Variants in KIAA0825 observed in about 807,000 individuals in gnomAD.
KIAA0825 encodes the protein KIAA0825.
A neutral mutation model predicts 147.6 loss-of-function variants in KIAA0825; 119 were observed. The observed-to-expected ratio is 0.81, with a 90% CI of 0.69 to 0.94. The LOEUF (loss-of-function observed/expected upper bound fraction) is 0.94, where lower values mean the gene tolerates loss of function less well. Among genes scored for constraint, KIAA0825 ranks in the 40% least tolerant of loss-of-function variants. The pLI, the probability that KIAA0825 is intolerant of heterozygous loss-of-function variation, is 0.00. For synonymous variants in KIAA0825, 470 were observed against 518.1 expected (o/e 0.91, Z 1.26); for missense variants, 1,381 against 1,472.7 (o/e 0.94, Z 1.02).
chr5:94,252,557 T>C (rs1219112116), intron 20 of KIAA0825, among the ~76,000 whole-genome samples: 1 of 151,998 alleles, frequency 6.6e-6, no homozygotes, highest in Non-Finnish European at 1.5e-5. Flanking sequence ...TAATTTACAT[T>C]ATGAGTTAAC....
At chr5:94,234,915 C>T (rs1213751212) in intron 20 of KIAA0825, among the ~76,000 whole-genome samples, 1 of 152,058 alleles carries the variant, frequency 6.6e-6, no homozygotes, top group South Asian at 2.1e-4. Context: ...CAACTGCGCC[C>T]ACAGAAGATG....
intron 20 of KIAA0825, among the ~76,000 whole-genome samples, chr5:94,169,253 CT>C (rs1768358332): frequency 6.6e-6 from 1 of 152,144 alleles, no homozygotes; most frequent in Non-Finnish European, 1.5e-5. Context: ...ATAGGCCTGA[CT>C]CATATTTTGA....
At chr5:94,509,714 C>A (rs1183258957) in intron 5 of KIAA0825, among the ~76,000 whole-genome samples, 1 of 152,164 alleles carries the variant, frequency 6.6e-6, no homozygotes, top group Non-Finnish European at 1.5e-5. Flanking sequence ...AAAGATTTGT[C>A]ACATTTTTAC....
At chr5:94,518,368 C>A (rs1276183160) in intron 5 of KIAA0825, among the ~76,000 whole-genome samples, 1 of 152,130 alleles carries the variant, frequency 6.6e-6, no homozygotes, top group Non-Finnish European at 1.5e-5. Flanking sequence ...AAATGCCTTT[C>A]TTATGGTAGG....
chr5:94,494,071 T>C (rs1364074788), intron 5 of KIAA0825, among the ~76,000 whole-genome samples: 1 of 152,118 alleles, frequency 6.6e-6, no homozygotes, highest in Non-Finnish European at 1.5e-5. Context: ...CCTGAAGCTA[T>C]TCTTCTGGGT....
intron 2 of KIAA0825, among the ~76,000 whole-genome samples, chr5:94,545,987 T>C (rs940057682): frequency 2.6e-5 from 4 of 152,104 alleles, no homozygotes; most frequent in African/African-American, 4.8e-5. Context: ...TCCACTATCC[T>C]GAAGGGTGAG....
Position 94,403,746 on chromosome 5 carries a change from G to A in KIAA0825, c.2710C>T (p.Leu904=). ...YELEVIRCLR[L]ALTDAIKDTV... Reference sequence around the variant, plus strand: ...TCCTTGATGGCATCGGTCAGTGCCAGTCTCAAGCATCGGATGACCTCTAGC... The same window carrying A: ...TCCTTGATGGCATCGGTCAGTGCCAATCTCAAGCATCGGATGACCTCTAGC... The change falls in exon 16 of 21, where the codon CTG becomes TTG. Residue 904 remains leucine, a synonymous_variant. Coordinates refer to ENST00000682413, the MANE Select transcript of KIAA0825 (RefSeq NM_001145678.3). 1 of 1,551,576 alleles carries A rather than the reference G, an allele frequency of 6.4e-7. No individual in the cohort carries two copies.
At chr5:94,217,036 C>G (rs1302728105) in intron 20 of KIAA0825, among the ~76,000 whole-genome samples, 1 of 152,032 alleles carries the variant, frequency 6.6e-6, no homozygotes, top group African/African-American at 2.4e-5. Context: ...TATGACATAT[C>G]CATGTTGACA....
intron 9 of KIAA0825, among the ~76,000 whole-genome samples, chr5:94,471,209 G>C (rs568923279): frequency 1.3e-5 from 2 of 152,162 alleles, no homozygotes; most frequent in South Asian, 4.2e-4. Context: ...GTTGCGCTGG[G>C]TTAGGGTGCA....
intron 20 of KIAA0825, among the ~76,000 whole-genome samples, chr5:94,210,815 G>A (rs988324545): frequency 6.6e-6 from 1 of 152,176 alleles, no homozygotes; most frequent in Non-Finnish European, 1.5e-5. Flanking sequence ...GGTCTAGGGT[G>A]TGGATTTAGT....
intron 20 of KIAA0825, among the ~76,000 whole-genome samples, chr5:94,299,563 G>A (rs1315398435): frequency 6.6e-6 from 1 of 151,928 alleles, no homozygotes; most frequent in Non-Finnish European, 1.5e-5. Flanking sequence ...TCTTGTTTCA[G>A]GTTAACATAT....
intron 20 of KIAA0825, among the ~76,000 whole-genome samples, chr5:94,275,173 T>A (rs1777166028): frequency 1.3e-5 from 2 of 152,148 alleles, no homozygotes; most frequent in African/African-American, 4.8e-5. Context: ...ACATATTTTT[T>A]AAGATTAAGA....
intron 2 of KIAA0825, among the ~76,000 whole-genome samples, chr5:94,563,199 A>AC (rs1554046495): frequency 1.2e-4 from 15 of 122,574 alleles, no homozygotes; most frequent in Non-Finnish European, 2.2e-4. Flanking sequence ...AAAAAACAAA[A>AC]AAAAAAAAAT....
At chr5:94,215,856 C>A (rs1231440821) in intron 20 of KIAA0825, among the ~76,000 whole-genome samples, 1 of 152,070 alleles carries the variant, frequency 6.6e-6, no homozygotes, top group Non-Finnish European at 1.5e-5. Flanking sequence ...CCTTGCATCT[C>A]GTAAACCCCT....
chr5:94,462,415 A>C lies in KIAA0825; in HGVS notation c.2218T>G (p.Leu740Val). 6.8e-7 allele frequency: 1 copy of C among 1,465,744 alleles called. No homozygotes were observed. Among genetic ancestry groups the C allele is most frequent in the Non-Finnish European group, 9.3e-7 (1 of 1,079,824 alleles). 90.8% of individuals were successfully genotyped at this position (1,465,744 alleles called of 1,614,324 possible). A position where few individuals can be genotyped will look rare whatever the true frequency, so the allele number is the denominator to read the frequency against. Reference protein sequence around the residue: ...CNNLFTTLVILTSPLTELYKT... With the variant: ...CNNLFTTLVIVTSPLTELYKT... ...TATAATTCTGTTAATGGTGAAGTCA[A>C]AATGACTAATGTTGTAAACAGATTA... Residue 740 changes from leucine (L) to valine (V), a missense_variant, in exon 12 of 21, where the codon TTG (leucine) becomes GTG (valine). Coordinates refer to ENST00000682413, the MANE Select transcript of KIAA0825 (RefSeq NM_001145678.3).
chr5:94,507,697 A>G (rs1487026817), intron 5 of KIAA0825, among the ~76,000 whole-genome samples: 1 of 152,166 alleles, frequency 6.6e-6, no homozygotes, highest in Non-Finnish European at 1.5e-5. Context: ...TCTGAGAAAA[A>G]AAAAAAAGGA....
chr5:94,469,885 TC>T, intron 10 of KIAA0825, 75 bp downstream of exon 10: 1 of 1,218,484 alleles, frequency 8.2e-7, no homozygotes, highest in Non-Finnish European at 1.1e-6. Flanking sequence ...AGCTCATGTT[TC>T]TAATTAGCCA....
chr5:94,549,202 C>T (rs1331222174), intron 2 of KIAA0825, among the ~76,000 whole-genome samples: 1 of 152,036 alleles, frequency 6.6e-6, no homozygotes, highest in African/African-American at 2.4e-5. Context: ...GGTCACAAAA[C>T]AAGGCTTAAA....
chr5:94,507,213 G>C lies in KIAA0825; in HGVS notation c.970+13035C>G, dbSNP rs1217995627. ...GCCTGTAATCCCAGCACTTTGGAAGGCCAAGGCAAGCAGATCATGAGGTCA... is the reference window on the plus strand; with the variant it reads ...GCCTGTAATCCCAGCACTTTGGAAGCCCAAGGCAAGCAGATCATGAGGTCA... On this transcript the variant is annotated intron_variant, in intron 5 of 20. Coordinates refer to ENST00000682413, the MANE Select transcript of KIAA0825 (RefSeq NM_001145678.3). 9.9e-5 allele frequency among the ~76,000 whole-genome samples: 15 copies of C among 152,278 alleles called. No individual in the cohort carries two copies. In the East Asian group the frequency reaches 2.9e-3, roughly 29 times the overall value.
Sources: gnomAD v4.1 joint callset for allele counts (sites outside exome capture counted in the v4.1 genomes callset) on GRCh38, gnomAD v4.1.1 for gene constraint, MANE v1.5 for transcripts, NCBI Gene and HGNC (gene_info 2026-07-23, HGNC 2026-07-21) for gene names.